The following KCNAB1 variants were observed in gnomAD, a reference collection of about 807,000 sequenced individuals.
KCNAB1 encodes voltage-gated potassium channel subunit beta-1.
KCNAB1 carries 35 observed loss-of-function variants against 64.6 expected under a neutral mutation model. That is an observed-to-expected ratio of 0.54 (90% CI 0.41 to 0.72). The LOEUF is 0.72. Ranked by LOEUF, KCNAB1 falls within the 30% of genes least tolerant of loss-of-function variation. The pLI is 0.00. For synonymous variants in KCNAB1, 177 were observed against 183.8 expected (o/e 0.96, Z 0.30); for missense variants, 401 against 512.9 (o/e 0.78, Z 2.11).
At chr3:156,387,693 A>T (rs1012635201) in intron 1 of KCNAB1, among the ~76,000 whole-genome samples, 1 of 152,220 alleles carries the variant, frequency 6.6e-6, no homozygotes, top group East Asian at 1.9e-4. Flanking sequence ...CATTGTTAAC[A>T]ATATAAACAT....
chr3:156,197,269 T>TTG (rs990485352), intron 1 of KCNAB1, among the ~76,000 whole-genome samples: 9 of 152,194 alleles, frequency 5.9e-5, no homozygotes, highest in Admixed American at 2.6e-4. Context: ...TTTTCTTTTT[T>TTG]TGTGTGTGTG....
At chr3:156,327,150 A>G (rs1041725060) in intron 1 of KCNAB1, among the ~76,000 whole-genome samples, 5 of 152,222 alleles carry the variant, frequency 3.3e-5, no homozygotes, top group African/African-American at 1.2e-4. Flanking sequence ...GTTGTGATTC[A>G]GCCCACTGAC....
intron 1 of KCNAB1, among the ~76,000 whole-genome samples, chr3:156,153,349 A>G (rs938049195): frequency 1.3e-5 from 2 of 152,102 alleles, no homozygotes; most frequent in Non-Finnish European, 2.9e-5. Flanking sequence ...AGGTGACCAT[A>G]TCATGCTCAT....
chr3:156,282,527 C>T (rs1440829712), intron 1 of KCNAB1, among the ~76,000 whole-genome samples: 10 of 150,054 alleles, frequency 6.7e-5, no homozygotes, highest in Non-Finnish European at 1.5e-4. Flanking sequence ...TCCTTGTTGA[C>T]TTTCTGTCTC....
upstream of KCNAB1, among the ~76,000 whole-genome samples, chr3:156,119,214 A>T (rs371059989): frequency 2.6e-5 from 4 of 152,338 alleles, no homozygotes; most frequent in African/African-American, 9.6e-5. Context: ...CAGTGGACTA[A>T]GGGCAAGTGA....
intron 1 of KCNAB1, among the ~76,000 whole-genome samples, chr3:156,414,859 C>G (rs995647505): frequency 2.6e-5 from 4 of 152,182 alleles, no homozygotes; most frequent in African/African-American, 9.7e-5. Context: ...ACAGAACACT[C>G]AAGTTTGTAT....
At chr3:156,497,681 A>T (rs1716100726) in intron 8 of KCNAB1, among the ~76,000 whole-genome samples, 1 of 152,228 alleles carries the variant, frequency 6.6e-6, no homozygotes, top group Non-Finnish European at 1.5e-5. Flanking sequence ...GCTTCCAAGT[A>T]TAAAAATAAC....
intron 1 of KCNAB1, among the ~76,000 whole-genome samples, chr3:156,258,342 C>G (rs1308537824): frequency 6.6e-6 from 1 of 152,218 alleles, no homozygotes; most frequent in Non-Finnish European, 1.5e-5. Context: ...TTCTTACTAC[C>G]TGAAAGATCC....
intron 1 of KCNAB1, among the ~76,000 whole-genome samples, chr3:156,344,009 T>TGGTTTGCTAAAAACAC (rs1724313063): frequency 6.6e-6 from 1 of 152,192 alleles, no homozygotes; most frequent in Non-Finnish European, 1.5e-5. Context: ...CTTGATTACA[T>TGGTTTGCTAAAAACAC]GTCTTCTTTT....
chr3:156,471,444 T>A (rs1333534756), intron 7 of KCNAB1, among the ~76,000 whole-genome samples: 2 of 152,252 alleles, frequency 1.3e-5, no homozygotes, highest in Admixed American at 1.3e-4. Flanking sequence ...AGTTTACTTC[T>A]AATTATCTCC....
chr3:156,376,715 C>T (rs560450513), intron 1 of KCNAB1, among the ~76,000 whole-genome samples: 2 of 152,108 alleles, frequency 1.3e-5, no homozygotes, highest in Non-Finnish European at 2.9e-5. Context: ...GGAGAATCTG[C>T]GGGTAGTCAA....
intron 11 of KCNAB1, chr3:156,523,601 A>G: frequency 4.3e-6 from 2 of 462,736 alleles, no homozygotes; most frequent in South Asian, 2.7e-5. Context: ...AGGCTGATCA[A>G]TTTGAATGGT....
At chr3:156,276,975 C>G (rs1719385753) in intron 1 of KCNAB1, among the ~76,000 whole-genome samples, 1 of 152,130 alleles carries the variant, frequency 6.6e-6, no homozygotes, top group Non-Finnish European at 1.5e-5. Flanking sequence ...TTTGGCCTGT[C>G]TAGGCTTTTG....
chr3:156,157,546 T>C (rs1249383439), intron 1 of KCNAB1, among the ~76,000 whole-genome samples: 1 of 152,272 alleles, frequency 6.6e-6, no homozygotes, highest in Non-Finnish European at 1.5e-5. Flanking sequence ...TCCCTTTGTT[T>C]TGACAACTGG....
intron 1 of KCNAB1, among the ~76,000 whole-genome samples, chr3:156,137,299 G>A (rs981145955): frequency 1.3e-5 from 2 of 152,048 alleles, no homozygotes; most frequent in Non-Finnish European, 2.9e-5. Context: ...AAGGAATCAG[G>A]TGAGACTGAA....
chr3:156,435,431 A>G (rs1291911931), intron 2 of KCNAB1, among the ~76,000 whole-genome samples: 1 of 152,208 alleles, frequency 6.6e-6, no homozygotes, highest in Non-Finnish European at 1.5e-5. Context: ...GTCAGTCTCT[A>G]TAGTTTGTTA....
In KCNAB1 at chr3:156,147,961, G is replaced by GCACACGCA. The variant is rs5853742; in HGVS notation, c.275+27078_275+27079insACGCACAC. ...CCAAGACACACACACACACACACAC[G>GCACACGCA]CACGCACACGCACACACAAACACAC... is the stretch of plus-strand genomic sequence containing the variant. On this transcript the variant is annotated intron_variant, in intron 1 of 13. Coordinates refer to ENST00000490337, the MANE Select transcript of KCNAB1 (RefSeq NM_172160.3). 1.0e-3 allele frequency among the ~76,000 whole-genome samples: 153 copies of GCACACGCA among 150,564 alleles called. 1 individual carries two copies. The highest frequency in any genetic ancestry group is 3.0e-3 in the African/African-American group (122 of 40,904).
At chr3:156,287,529 G>A (rs545762546) in intron 1 of KCNAB1, among the ~76,000 whole-genome samples, 14 of 151,964 alleles carry the variant, frequency 9.2e-5, no homozygotes, top group African/African-American at 2.9e-4. Flanking sequence ...TATATACAAT[G>A]TGCTCCAAAA....
At chr3:156,146,634 G>C (rs988076035) in intron 1 of KCNAB1, among the ~76,000 whole-genome samples, 2 of 152,182 alleles carry the variant, frequency 1.3e-5, no homozygotes, top group African/African-American at 4.8e-5. Context: ...CTCCAGGTTC[G>C]TATCTGCCTC....
Sources: gnomAD v4.1 joint callset for allele counts (sites outside exome capture counted in the v4.1 genomes callset) on GRCh38, gnomAD v4.1.1 for gene constraint, MANE v1.5 for transcripts, NCBI Gene and HGNC (gene_info 2026-07-23, HGNC 2026-07-21) for gene names.